Variants in ZNRF3 observed in about 807,000 individuals in gnomAD.
ZNRF3 encodes E3 ubiquitin-protein ligase ZNRF3.
A neutral mutation model predicts 72.5 loss-of-function variants in ZNRF3; 23 were observed. The observed-to-expected ratio is 0.32, with a 90% CI of 0.23 to 0.45. ZNRF3 has a LOEUF of 0.45. Among genes scored for constraint, ZNRF3 ranks in the 20% least tolerant of loss-of-function variants. The pLI, the probability that ZNRF3 is intolerant of heterozygous loss-of-function variation, is 1.00. For synonymous variants in ZNRF3, 610 were observed against 545.3 expected (o/e 1.12, Z -1.65); for missense variants, 1,169 against 1,272.1 (o/e 0.92, Z 1.23).
At chr22:28,932,322 A>C (rs545027640) in intron 1 of ZNRF3, among the ~76,000 whole-genome samples, 2 of 152,228 alleles carry the variant, frequency 1.3e-5, no homozygotes, top group South Asian at 2.1e-4. Context: ...AAAAAAAAAA[A>C]TCTTAACTTT....
chr22:28,989,221 A>G (rs1170607512), intron 2 of ZNRF3, among the ~76,000 whole-genome samples: 2 of 152,162 alleles, frequency 1.3e-5, no homozygotes, highest in Non-Finnish European at 2.9e-5. Flanking sequence ...ATGGTTAGTC[A>G]TTGCAGTTTG....
At chr22:28,911,851 T>G (rs2123761290) in intron 1 of ZNRF3, among the ~76,000 whole-genome samples, 1 of 152,274 alleles carries the variant, frequency 6.6e-6, no homozygotes, top group Admixed American at 6.5e-5. Flanking sequence ...CATGGTCCTT[T>G]AGGATTAGGC....
Position 29,049,123 on chromosome 22 carries a change from T to C in ZNRF3, c.1016-74T>C. 1.3e-6 allele frequency: 2 copies of C among 1,482,378 alleles called. No individual in the cohort carries two copies. Among genetic ancestry groups the C allele is most frequent in the South Asian group, 1.3e-5 (1 of 74,302 alleles). The allele number at this position is 1,482,378 out of a possible 1,614,324, so 91.8% of individuals were successfully genotyped here. ...AGCCTGCTGCTTCAGCCTTTGCCCGTTTTAAAAATCCCTTTAGCCTCTGAC... is the reference window on the plus strand; with the variant it reads ...AGCCTGCTGCTTCAGCCTTTGCCCGCTTTAAAAATCCCTTTAGCCTCTGAC... On this transcript the variant is annotated intron_variant, in intron 7 of 8. Coordinates refer to ENST00000544604, the MANE Select transcript of ZNRF3 (RefSeq NM_001206998.2). The surrounding 1 kb of genome is among the most constrained non-coding windows in gnomAD (Gnocchi z 5.2).
At chr22:29,037,353 G>C (rs2036885402) in intron 2 of ZNRF3, among the ~76,000 whole-genome samples, 1 of 152,116 alleles carries the variant, frequency 6.6e-6, no homozygotes, top group Non-Finnish European at 1.5e-5. Flanking sequence ...AGTGGTGATG[G>C]GACAATTCTC....
intron 1 of ZNRF3, among the ~76,000 whole-genome samples, chr22:28,940,851 C>A (rs555553322): frequency 2.6e-5 from 4 of 152,190 alleles, no homozygotes; most frequent in Non-Finnish European, 5.9e-5. Context: ...GCACCCCCAC[C>A]CAGAAAAAAA....
intron 1 of ZNRF3, among the ~76,000 whole-genome samples, chr22:28,920,643 CTT>C: frequency 6.6e-6 from 1 of 152,332 alleles, no homozygotes; most frequent in East Asian, 1.9e-4. Context: ...TGAAAAGAAA[CTT>C]TTCTTATTTC....
intron 2 of ZNRF3, among the ~76,000 whole-genome samples, chr22:29,027,479 C>G (rs1231368150): frequency 2.0e-5 from 3 of 152,062 alleles, no homozygotes; most frequent in Admixed American, 2.0e-4. Context: ...GAACTCCTGA[C>G]CTCAGGTTAT....
intron 1 of ZNRF3, among the ~76,000 whole-genome samples, chr22:28,954,573 A>T (rs1391036168): frequency 6.6e-6 from 1 of 152,250 alleles, no homozygotes; most frequent in Non-Finnish European, 1.5e-5. Flanking sequence ...TTTTTAAAAC[A>T]GGAATAACTT....
Position 28,993,947 on chromosome 22 carries a change from A to G in ZNRF3, c.426+6746A>G, listed in dbSNP as rs141217388. Among the ~76,000 whole-genome samples, 1,290 of 152,312 alleles carry G rather than the reference A, an allele frequency of 8.5e-3. 16 individuals carry two copies. The highest frequency in any genetic ancestry group is 0.03 in the African/African-American group (1,236 of 41,574). On this transcript the variant is annotated intron_variant, in intron 2 of 8. Transcript: ENST00000544604. ...TCCTGCCTCCCAAAGTGCTGGGATT[A>G]CAGGCGTGAGCCACCGCACTCAGCC... is the stretch of plus-strand genomic sequence containing the variant.
At chr22:29,053,079 G>A (rs1004317810) in intron 8 of ZNRF3, among the ~76,000 whole-genome samples, 2 of 152,114 alleles carry the variant, frequency 1.3e-5, no homozygotes, top group African/African-American at 2.4e-5. Flanking sequence ...TTCACCTCCT[G>A]TGGCCCCTGT....
At chr22:29,037,819 G>T (rs1377101375) in intron 2 of ZNRF3, among the ~76,000 whole-genome samples, 1 of 152,204 alleles carries the variant, frequency 6.6e-6, no homozygotes, top group Non-Finnish European at 1.5e-5. Flanking sequence ...AGTAGCAAAG[G>T]TGATGAAGGA....
At chr22:29,013,792 G>A (rs931744489) in intron 2 of ZNRF3, among the ~76,000 whole-genome samples, 1 of 152,176 alleles carries the variant, frequency 6.6e-6, no homozygotes, top group African/African-American at 2.4e-5. Flanking sequence ...TAGATTACTT[G>A]TATAGGCCAT....
intron 2 of ZNRF3, among the ~76,000 whole-genome samples, chr22:28,988,591 TG>T (rs1056582048): frequency 6.6e-6 from 1 of 152,186 alleles, no homozygotes; most frequent in Non-Finnish European, 1.5e-5. Flanking sequence ...GTGTTTTAGG[TG>T]GCTCAGGCCC....
At chr22:29,047,413 A>G (rs1025763477) in intron 6 of ZNRF3, among the ~76,000 whole-genome samples, 9 of 152,142 alleles carry the variant, frequency 5.9e-5, no homozygotes, top group African/African-American at 2.2e-4. Flanking sequence ...CAGGGAGCAA[A>G]CCACTTGAGA....
intron 1 of ZNRF3, among the ~76,000 whole-genome samples, chr22:28,938,923 C>G (rs752918822): frequency 3.3e-5 from 5 of 152,128 alleles, no homozygotes; most frequent in Non-Finnish European, 2.9e-5. Context: ...AGTTCTAATT[C>G]TGAATATTAC....
chr22:28,989,705 G>A (rs2035921977), intron 2 of ZNRF3, among the ~76,000 whole-genome samples: 1 of 152,192 alleles, frequency 6.6e-6, no homozygotes, highest in Non-Finnish European at 1.5e-5. Flanking sequence ...TCTGTCCGCT[G>A]CAGGCGGGCC....
chr22:28,997,308 C>A (rs2036060921), intron 2 of ZNRF3, among the ~76,000 whole-genome samples: 1 of 151,920 alleles, frequency 6.6e-6, no homozygotes, highest in Non-Finnish European at 1.5e-5. Flanking sequence ...CTTCCCTGGT[C>A]CTCTTATCAC....
chr22:28,975,609 C>T (rs1229116252), intron 1 of ZNRF3, among the ~76,000 whole-genome samples: 1 of 150,980 alleles, frequency 6.6e-6, no homozygotes, highest in Non-Finnish European at 1.5e-5. Context: ...TGGTGGCGGG[C>T]GCCTGTAATC....
intron 1 of ZNRF3, among the ~76,000 whole-genome samples, chr22:28,964,614 C>T (rs1179096453): frequency 2.0e-5 from 3 of 152,198 alleles, no homozygotes; most frequent in Admixed American, 6.5e-5. Context: ...GGCCATCTCC[C>T]ACCCACCTCC....
Sources: allele counts gnomAD v4.1 joint callset (sites outside exome capture counted in the v4.1 genomes callset), GRCh38; gene constraint gnomAD v4.1.1; non-coding constraint Gnocchi (gnomAD v3.1); transcripts MANE v1.5; gene names NCBI Gene and HGNC (gene_info 2026-07-23, HGNC 2026-07-21).